HELLS: variants seen among roughly 807,000 people sequenced by gnomAD.
The protein encoded by HELLS is lymphoid-specific helicase.
In HELLS, 32 loss-of-function variants were observed where a neutral mutation model predicts 120.0. The ratio of observed to expected loss-of-function variants is 0.27; its 90% CI spans 0.20 to 0.36. HELLS has a LOEUF of 0.36. Ranked by LOEUF, HELLS falls within the 10% of genes least tolerant of loss-of-function variation. The probability of loss-of-function intolerance (pLI) is 1.00; values close to 1 mark genes in which losing one functional copy is unlikely to be tolerated. For missense variants in HELLS, 650 were observed against 993.4 expected, an observed-to-expected ratio of 0.65 and a Z score of 4.65; for synonymous variants, 341 against 323.4, an observed-to-expected ratio of 1.05 and a Z score of -0.58.
intron 9 of HELLS, among the ~76,000 whole-genome samples, chr10:94,608,315 C>A (rs549525292): frequency 6.6e-6 from 1 of 152,120 alleles, no homozygotes; most frequent in African/African-American, 2.4e-5. Flanking sequence ...TATCCTTTAG[C>A]CTAATTATAG....
At chr10:94,563,466 T>C (rs1199011395) in intron 6 of HELLS, among the ~76,000 whole-genome samples, 3 of 152,112 alleles carry the variant, frequency 2.0e-5, no homozygotes, top group African/African-American at 7.2e-5. Flanking sequence ...GTTTCCTTCC[T>C]TTCTAGCTTC....
intron 21 of HELLS, among the ~76,000 whole-genome samples, chr10:94,598,635 T>C (rs1845864723): frequency 6.6e-6 from 1 of 151,654 alleles, no homozygotes; most frequent in Admixed American, 6.6e-5. Context: ...TAATCAGATG[T>C]ATTTTCCAAA....
chr10:94,595,758 A>G (rs1422866669), intron 19 of HELLS, among the ~76,000 whole-genome samples: 1 of 152,240 alleles, frequency 6.6e-6, no homozygotes, highest in Non-Finnish European at 1.5e-5. Flanking sequence ...CTTGATAGCT[A>G]CCTGAAGAAA....
chr10:94,553,538 C>T lies in HELLS; in HGVS notation c.154-588C>T, dbSNP rs577945916. ...TGCTGGGATTACAGGCGTGAGCCAC[C>T]GTGCCTGGCCCCAATTTTTTTTTTT... is the stretch of plus-strand genomic sequence containing the variant. On this transcript the variant is annotated intron_variant, in intron 2 of 21. Transcript: ENST00000348459. Among the ~76,000 whole-genome samples, 464 of 150,532 alleles carry T rather than the reference C, an allele frequency of 3.1e-3. 3 individuals carry two copies. The highest frequency in any genetic ancestry group is 0.011 in the African/African-American group (437 of 40,822).
At chr10:94,607,038 T>C (rs1846136734), downstream of HELLS, among the ~76,000 whole-genome samples, 1 of 152,204 alleles carries the variant, frequency 6.6e-6, no homozygotes, top group South Asian at 2.1e-4. Context: ...TATTAGAGAT[T>C]TTACTGTTCA....
intron 4 of HELLS, among the ~76,000 whole-genome samples, chr10:94,559,031 A>G (rs1843415695): frequency 6.6e-6 from 1 of 152,084 alleles, no homozygotes; most frequent in Non-Finnish European, 1.5e-5. Flanking sequence ...GAATTCGCCT[A>G]CTCACTTACA....
At chr10:94,594,563 T>G in intron 18 of HELLS, 132 bp from the exon 19 acceptor site, 1 of 578,658 alleles carries the variant, frequency 1.7e-6, no homozygotes, top group South Asian at 3.4e-5. Context: ...ATGAAGCCAC[T>G]CTGGAAGTTT....
At chr10:94,589,812 G>A (rs1290347718) in intron 13 of HELLS, among the ~76,000 whole-genome samples, 5 of 148,824 alleles carry the variant, frequency 3.4e-5, no homozygotes, top group Admixed American at 6.8e-5. Flanking sequence ...TCAGCCTCCC[G>A]AGTAGCTGGG....
At chr10:94,594,163 A>C (rs1324038030) in intron 18 of HELLS, among the ~76,000 whole-genome samples, 1 of 151,852 alleles carries the variant, frequency 6.6e-6, no homozygotes, top group Non-Finnish European at 1.5e-5. Context: ...TTTCTTCATA[A>C]AGTTTTTTGC....
chr10:94,573,837 C>G (rs1355096999), intron 7 of HELLS, 123 bp from the exon 8 acceptor site: 1 of 581,386 alleles, frequency 1.7e-6, no homozygotes, highest in Non-Finnish European at 3.0e-6. Context: ...CAGGTGTGAT[C>G]TTAGTCTTCT....
intron 10 of HELLS, among the ~76,000 whole-genome samples, chr10:94,578,360 T>G (rs1844628213): frequency 6.6e-6 from 1 of 152,076 alleles, no homozygotes. Context: ...GCATTATAAT[T>G]ATTGTGCACT....
intron 18 of HELLS, among the ~76,000 whole-genome samples, chr10:94,593,896 GGTGATCC>G (rs1845616482): frequency 6.6e-6 from 1 of 151,778 alleles, no homozygotes; most frequent in Non-Finnish European, 1.5e-5. Flanking sequence ...CCTGACCTCA[GGTGATCC>G]GCCCACCTCG....
intron 6 of HELLS, among the ~76,000 whole-genome samples, chr10:94,564,174 T>G (rs1843682803): frequency 1.3e-5 from 2 of 152,224 alleles, no homozygotes; most frequent in Non-Finnish European, 2.9e-5. Flanking sequence ...ACCTATTATC[T>G]TGTGCTTGTT....
chr10:94,546,295 G>A (rs1410587690), intron 1 of HELLS, 82 bp from the exon 2 acceptor site: 10 of 1,551,742 alleles, frequency 6.4e-6, no homozygotes, highest in Non-Finnish European at 8.9e-6. Context: ...CATCTCGGGT[G>A]GGAGAAAGGC....
At chr10:94,546,546 G>C (rs1277131646) in intron 2 of HELLS, 48 bp downstream of exon 2, 1 of 1,610,816 alleles carries the variant, frequency 6.2e-7, no homozygotes, top group Non-Finnish European at 8.5e-7. Flanking sequence ...TGGTAACCTC[G>C]GCTTTAACCC....
At chr10:94,584,643 C>T (rs1845032076) in intron 12 of HELLS, among the ~76,000 whole-genome samples, 1 of 152,098 alleles carries the variant, frequency 6.6e-6, no homozygotes, top group Non-Finnish European at 1.5e-5. Flanking sequence ...TTACACGTTA[C>T]CTCACAGTGT....
chr10:94,575,223 C>T (rs947748916), intron 9 of HELLS, among the ~76,000 whole-genome samples: 5 of 151,242 alleles, frequency 3.3e-5, no homozygotes, highest in Admixed American at 6.6e-5. Flanking sequence ...CCTGAGCCAC[C>T]GGAGTAGCTG....
chr10:94,574,331 C>T, intron 8 of HELLS, 144 bp downstream of exon 8: 2 of 719,190 alleles, frequency 2.8e-6, no homozygotes, highest in Non-Finnish European at 4.6e-6. Context: ...GATTTCTTTA[C>T]CCTGAATTTT....
At chr10:94,552,362 C>T (rs1243896242) in intron 2 of HELLS, among the ~76,000 whole-genome samples, 9 of 152,162 alleles carry the variant, frequency 5.9e-5, no homozygotes, top group African/African-American at 1.9e-4. Context: ...TTGCTTAAAG[C>T]AGGAACTTCT....
Sources: allele counts gnomAD v4.1 joint callset (sites outside exome capture counted in the v4.1 genomes callset), GRCh38; gene constraint gnomAD v4.1.1; transcripts MANE v1.5; gene names NCBI Gene and HGNC (gene_info 2026-07-23, HGNC 2026-07-21).